NPAP1: variants seen among roughly 807,000 people sequenced by gnomAD.
NPAP1 encodes the protein nuclear pore associated protein 1, also known as nuclear pore-associated protein 1.
For synonymous variants in NPAP1, 616 were observed against 581.4 expected, an observed-to-expected ratio of 1.06 and a Z score of -0.86; for missense variants, 1,483 against 1,454.5, an observed-to-expected ratio of 1.02 and a Z score of -0.32.
Position 24,679,634 on chromosome 15 carries a change from C to T in NPAP1, c.*296C>T. On this transcript the variant is annotated 3_prime_UTR_variant, in exon 1 of 1. Coordinates refer to ENST00000329468, the MANE Select transcript of NPAP1 (RefSeq NM_018958.3). ...ACCTACCAACAAAGTACCTAGGGCC[C>T]ACCTGGACAAAACACAGATGGTACC... 2.6e-6 allele frequency: 1 copy of T among 387,168 alleles called. No individual in the cohort carries two copies. 24.0% of individuals were successfully genotyped at this position (387,168 alleles called of 1,614,324 possible).
Position 24,683,243 on chromosome 15 carries a change from C to T in NPAP1, c.*3905C>T, listed in dbSNP as rs2049028428. 6.0e-6 allele frequency: 1 copy of T among 165,428 alleles called. No individual in the cohort carries two copies. The highest frequency in any genetic ancestry group is 2.0e-4 in the South Asian group (1 of 4,906). The allele number at this position is 165,428 out of a possible 1,614,324, so 10.2% of individuals were successfully genotyped here. On this transcript the variant is annotated 3_prime_UTR_variant, in exon 1 of 1. Transcript: ENST00000329468. Reference sequence around the variant, plus strand: ...CGGGACAAATACAGAATGTGAGGTCCTGTTCCAGCCAATGGAAACCGGACA... The same window carrying T: ...CGGGACAAATACAGAATGTGAGGTCTTGTTCCAGCCAATGGAAACCGGACA...
rs2048977341 is a variant in NPAP1, at chr15:24,676,600, C to A, written c.733C>A (p.Gln245Lys). The A allele has an allele frequency of 6.2e-7, 1 of 1,613,944 alleles. No individual in the cohort carries two copies. Residue 245 changes from glutamine to lysine, a missense_variant, in exon 1 of 1, where the codon CAG becomes AAG. Transcript: ENST00000329468. ...CCCTGCCATGCCCAGCACACACAGC[C>A]AGGCCGGATGTGCCCGGCATCTTGG... ...EGPAMPSTHS[Q>K]AGCARHLGKP...
At position 24,678,383 on chromosome 15, in the gene NPAP1, C is replaced by T. The variant is rs897963898; in HGVS notation, c.2516C>T (p.Thr839Ile). The T allele has an allele frequency of 6.2e-7, 1 of 1,613,926 alleles. No individual in the cohort carries two copies. Among genetic ancestry groups the T allele is most frequent in the Non-Finnish European group, 8.5e-7 (1 of 1,180,000 alleles). The change falls in exon 1 of 1, where the codon ACC becomes ATC. Residue 839 changes from threonine (T) to isoleucine (I), a missense_variant. Transcript: ENST00000329468. ...PPSKTVILQS[T>I]FVSRKEEYIR... is the part of the protein sequence containing the mutation. The stretch of plus-strand genomic sequence containing the variant: ...TCCAAAACTGTCATCTTGCAGTCTA[C>T]CTTTGTCTCCAGGAAGGAGGAGTAC...
chr15:24,681,872 C>A lies in NPAP1; in HGVS notation c.*2534C>A, dbSNP rs930641621. ...ATACATATATATGTATGGTCAATGACTGAGTTCCTTAGGCAATGGTGCCCT... is the reference window on the plus strand; with the variant it reads ...ATACATATATATGTATGGTCAATGAATGAGTTCCTTAGGCAATGGTGCCCT... On this transcript the variant is annotated 3_prime_UTR_variant, in exon 1 of 1. Transcript: ENST00000329468. The A allele has an allele frequency of 6.4e-6, 1 of 156,516 alleles. No individual in the cohort carries two copies. Among genetic ancestry groups the A allele is most frequent in the Non-Finnish European group, 1.6e-5 (1 of 63,254 alleles). 9.7% of individuals were successfully genotyped at this position (156,516 alleles called of 1,614,324 possible). A position where few individuals can be genotyped will look rare whatever the true frequency, so the allele number is the denominator to read the frequency against.
chr15:24,675,878 T>C lies in NPAP1; in HGVS notation c.11T>C (p.Leu4Ser). 1 of 1,563,150 alleles carries C rather than the reference T, an allele frequency of 6.4e-7. No individual in the cohort carries two copies. The highest frequency in any genetic ancestry group is 8.6e-7 in the Non-Finnish European group (1 of 1,158,748). The change falls in exon 1 of 1, where the codon TTA (leucine) becomes TCA (serine). Residue 4 changes from leucine (L) to serine (S), a missense_variant. By Grantham distance (145) the Leu-to-Ser change is moderately radical. Transcript: ENST00000329468. Reference sequence around the variant, plus strand: ...CACGGCTAGCTCTAAATGGGCAATTTACTTAGTAAATTTAGACCCGGGTGC... The same window carrying C: ...CACGGCTAGCTCTAAATGGGCAATTCACTTAGTAAATTTAGACCCGGGTGC... MGN[L>S]LSKFRPGCRR...
chr15:24,676,550 C>T lies in NPAP1; in HGVS notation c.683C>T (p.Ser228Phe), dbSNP rs368842201. ...AGCATGAGTGAGAAGGCCCAGGCGT[C>T]TCCAGCGAGCTCCTGCTTGGAAGGC... The part of the protein sequence containing the change: ...ENSMSEKAQA[S>F]PASSCLEGPA... The change falls in exon 1 of 1, where the codon TCT becomes TTT. Residue 228 changes from serine (S) to phenylalanine (F), a missense_variant. By Grantham distance (155) the Ser-to-Phe change is radical. Coordinates refer to ENST00000329468, the MANE Select transcript of NPAP1 (RefSeq NM_018958.3). The T allele has an allele frequency of 6.2e-6, 10 of 1,614,030 alleles. No homozygotes were observed. The highest frequency in any genetic ancestry group is 4.0e-5 in the African/African-American group (3 of 74,944).
Position 24,678,927 on chromosome 15 carries a change from T to C in NPAP1, c.3060T>C (p.Ile1020=). Residue 1020 remains isoleucine, a synonymous_variant, in exon 1 of 1, where the codon ATT becomes ATC. Transcript: ENST00000329468. ...GPGTPMDGGS[I]GFSMSAPGPS... The stretch of plus-strand genomic sequence containing the variant: ...GAACCCCTATGGATGGTGGGAGCAT[T>C]GGGTTCAGCATGTCTGCCCCAGGCC... 1 of 1,614,082 alleles carries C rather than the reference T, an allele frequency of 6.2e-7. No homozygotes were observed.
chr15:24,683,386 T>A lies in NPAP1; in HGVS notation c.*4048T>A. The A allele has an allele frequency of 6.0e-6, 1 of 167,444 alleles. No individual in the cohort carries two copies. The highest frequency in any genetic ancestry group is 1.5e-5 in the Non-Finnish European group (1 of 68,168). The allele number at this position is 167,444 out of a possible 1,614,324, so 10.4% of individuals were successfully genotyped here. ...CTGCAGGAAGTAAAAATGGCCTTAC[T>A]AAATAAATTTATGTTCAAGTGCTAT... On this transcript the variant is annotated 3_prime_UTR_variant, in exon 1 of 1. Coordinates refer to ENST00000329468, the MANE Select transcript of NPAP1 (RefSeq NM_018958.3).
rs2049002888 is a variant in NPAP1 at position 24,679,442 on chromosome 15, AC to A, written c.*106del. 1.1e-6 allele frequency: 1 copy of A among 870,986 alleles called. No individual in the cohort carries two copies. Among genetic ancestry groups the A allele is most frequent in the Non-Finnish European group, 1.8e-6 (1 of 546,496 alleles). 54.0% of individuals were successfully genotyped at this position (870,986 alleles called of 1,614,324 possible). ...TTCTAGTTTCATCTTCATGCCAAGC[AC>A]CTGCCATGTACCTCTCCAGAACTCA... On this transcript the variant is annotated 3_prime_UTR_variant, in exon 1 of 1. Transcript: ENST00000329468.
In NPAP1 at chr15:24,676,678, C is replaced by T. The variant is rs2141308531; in HGVS notation, c.811C>T (p.Leu271=). 3.7e-6 allele frequency: 6 copies of T among 1,614,086 alleles called. No individual in the cohort carries two copies. Among genetic ancestry groups the T allele is most frequent in the Non-Finnish European group, 5.1e-6 (6 of 1,180,042 alleles). Residue 271 remains leucine, a synonymous_variant, in exon 1 of 1, where the codon CTG becomes TTG. Transcript: ENST00000329468. ...APPEPAVGCS[L]LQQKLAAEVL... is the part of the protein sequence containing the mutation. ...CCCTGAGCCAGCCGTTGGCTGCTCC[C>T]TGCTGCAGCAGAAGTTGGCTGCGGA... is the stretch of plus-strand genomic sequence containing the variant.
Position 24,676,997 on chromosome 15 carries a change from G to A in NPAP1, c.1130G>A (p.Arg377Lys), listed in dbSNP as rs1235577012. 3.7e-6 allele frequency: 6 copies of A among 1,613,912 alleles called. No individual in the cohort carries two copies. The highest frequency in any genetic ancestry group is 5.1e-6 in the Non-Finnish European group (6 of 1,180,012). Residue 377 changes from arginine to lysine, a missense_variant, in exon 1 of 1, where the codon AGG (arginine) becomes AAG (lysine). Arg to Lys is a conservative substitution (Grantham distance 26, BLOSUM62 2). Transcript: ENST00000329468. ...TTGGAGAAGAGCCCTGAGTATAAAAGGAATAGCAGAATCTTGGAGGATAAA... is the reference window on the plus strand; with the variant it reads ...TTGGAGAAGAGCCCTGAGTATAAAAAGAATAGCAGAATCTTGGAGGATAAA... ...HTLEKSPEYK[R>K]NSRILEDKTE...
chr15:24,678,500 A>G lies in NPAP1; in HGVS notation c.2633A>G (p.Gln878Arg), dbSNP rs2048993341. ...SAQVSTSFPA[Q>R]ADRRPTTTSS... The stretch of plus-strand genomic sequence containing the variant: ...CAAGTCTCCACCAGTTTTCCTGCAC[A>G]GGCAGATAGGAGACCAACCACAACT... Residue 878 changes from glutamine to arginine, a missense_variant, in exon 1 of 1, where the codon CAG becomes CGG. By Grantham distance (43) the Gln-to-Arg change is conservative. Coordinates refer to ENST00000329468, the MANE Select transcript of NPAP1 (RefSeq NM_018958.3). 1 of 1,614,098 alleles carries G rather than the reference A, an allele frequency of 6.2e-7. No homozygotes were observed. Among genetic ancestry groups the G allele is most frequent in the South Asian group, 1.1e-5 (1 of 91,090 alleles).
rs139405338 is a variant in NPAP1 at position 24,681,379 on chromosome 15, TGATAGATAGATA to T, written c.*2053_*2064del. On this transcript the variant is annotated 3_prime_UTR_variant, in exon 1 of 1. Transcript: ENST00000329468. Reference sequence around the variant, plus strand: ...TGGATAGACGGATGGATAGATTAGATGATAGATAGATAGATAGATAGATGATAACGTTATGGA... The same window carrying T: ...TGGATAGACGGATGGATAGATTAGATGATAGATAGATGATAACGTTATGGA... The T allele has an allele frequency of 6.1e-6, 1 of 165,080 alleles. No homozygotes were observed. The highest frequency in any genetic ancestry group is 1.5e-5 in the Non-Finnish European group (1 of 68,018). 10.2% of individuals were successfully genotyped at this position (165,080 alleles called of 1,614,324 possible).
chr15:24,676,492 G>T, the NPAP1 span: 1 of 1,614,028 alleles, frequency 6.2e-7, no homozygotes. Flanking sequence ...TGGGCCTCTG[G>T]AGGGAAATGT....
rs752234625 is a variant in NPAP1, at chr15:24,678,347, C to T, written c.2480C>T (p.Thr827Ile). 8 of 1,613,916 alleles carry T rather than the reference C, an allele frequency of 5.0e-6. No individual in the cohort carries two copies. Among genetic ancestry groups the T allele is most frequent in the Non-Finnish European group, 6.8e-6 (8 of 1,180,030 alleles). Residue 827 changes from threonine (T) to isoleucine (I), a missense_variant, in exon 1 of 1, where the codon ACC (threonine) becomes ATC (isoleucine). Physicochemically the swap from Thr to Ile is moderately conservative, Grantham distance 89 (BLOSUM62 -1). Coordinates refer to ENST00000329468, the MANE Select transcript of NPAP1 (RefSeq NM_018958.3). ...GCCATTGACACCAGTGACATGAATA[C>T]CACCCCTCCTTCCAAAACTGTCATC... ...KPAIDTSDMNTTPPSKTVILQ... is the reference protein window; with the variant it reads ...KPAIDTSDMNITPPSKTVILQ...
Position 24,676,616 on chromosome 15 carries a change from G to C in NPAP1, c.749G>C (p.Arg250Pro), listed in dbSNP as rs373587469. 20 of 1,613,734 alleles carry C rather than the reference G, an allele frequency of 1.2e-5. No individual in the cohort carries two copies. The African/African-American group carries it at 2.4e-4, about 19-fold the overall frequency. ...ACACACAGCCAGGCCGGATGTGCCC[G>C]GCATCTTGGAAAGCCTGATCCGGAT... ...PSTHSQAGCARHLGKPDPDAT... is the reference protein window; with the variant it reads ...PSTHSQAGCAPHLGKPDPDAT... Residue 250 changes from arginine (R) to proline (P), a missense_variant, in exon 1 of 1, where the codon CGG becomes CCG. By Grantham distance (103) the Arg-to-Pro change is moderately radical. Transcript: ENST00000329468.
rs556917923 is a variant in NPAP1 at position 24,676,837 on chromosome 15, A to C, written c.970A>C (p.Arg324=). The C allele has an allele frequency of 2.9e-5, 46 of 1,613,158 alleles. No individual in the cohort carries two copies. The Admixed American group carries it at 6.7e-4, about 23-fold the overall frequency. Residue 324 remains arginine, a synonymous_variant, in exon 1 of 1, where the codon AGG becomes CGG. Transcript: ENST00000329468. ...SAAPPRAARN[R]PCKRKMSIPL... ...TGCTCCTCCCAGAGCTGCCCGCAAC[A>C]GGCCCTGCAAAAGGAAAATGTCGAT...
At position 24,676,748 on chromosome 15, in the gene NPAP1, T is replaced by A. The variant is rs2141308700; in HGVS notation, c.881T>A (p.Ile294Asn). Reference protein sequence around the residue: ...EPPPSSLGLPIPLMSGKRMPD... With the variant: ...EPPPSSLGLPNPLMSGKRMPD... Reference sequence around the variant, plus strand: ...CCGCCCAGCTCCCTAGGCTTGCCGATTCCGCTGATGTCCGGAAAGAGGATG... The same window carrying A: ...CCGCCCAGCTCCCTAGGCTTGCCGAATCCGCTGATGTCCGGAAAGAGGATG... Residue 294 changes from isoleucine to asparagine, a missense_variant, in exon 1 of 1, where the codon ATT becomes AAT. Physicochemically the swap from Ile to Asn is moderately radical, Grantham distance 149. Coordinates refer to ENST00000329468, the MANE Select transcript of NPAP1 (RefSeq NM_018958.3). 6.2e-7 allele frequency: 1 copy of A among 1,613,968 alleles called. No individual in the cohort carries two copies. Among genetic ancestry groups the A allele is most frequent in the Non-Finnish European group, 8.5e-7 (1 of 1,180,040 alleles).
Position 24,679,973 on chromosome 15 carries a change from TTTTGTTTTGG to T in NPAP1, c.*643_*652del, listed in dbSNP as rs1208361608. ...TTGACTTTAGAGGAACCAGCATTGT[TTTTGTTTTGG>T]TTTGTTTGTTTGTTTGTTTGTTTGT... On this transcript the variant is annotated 3_prime_UTR_variant, in exon 1 of 1. Coordinates refer to ENST00000329468, the MANE Select transcript of NPAP1 (RefSeq NM_018958.3). The T allele has an allele frequency of 5.2e-6, 1 of 191,174 alleles. No homozygotes were observed. Among genetic ancestry groups the T allele is most frequent in the African/African-American group, 2.5e-5 (1 of 40,714 alleles). The allele number at this position is 191,174 out of a possible 1,614,324, so 11.8% of individuals were successfully genotyped here.
Sources: allele counts gnomAD v4.1 joint callset, GRCh38; gene constraint gnomAD v4.1.1; transcripts MANE v1.5; gene names NCBI Gene and HGNC (gene_info 2026-07-23, HGNC 2026-07-21).